Variants in FOXN3 observed in about 807,000 individuals in gnomAD.
FOXN3 encodes the protein forkhead box protein N3.
Under a neutral mutation model 38.4 loss-of-function variants are expected in FOXN3, and 7 were observed. The ratio of observed to expected loss-of-function variants is 0.18; its 90% CI spans 0.10 to 0.34. The LOEUF (loss-of-function observed/expected upper bound fraction) is 0.34, where lower values mean the gene tolerates loss of function less well. Ranked by LOEUF, FOXN3 falls within the 10% of genes least tolerant of loss-of-function variation. The pLI, the probability that FOXN3 is intolerant of heterozygous loss-of-function variation, is 1.00. For missense variants in FOXN3, 456 were observed against 613.4 expected, an observed-to-expected ratio of 0.74 and a Z score of 2.71; for synonymous variants, 230 against 242.2, an observed-to-expected ratio of 0.95 and a Z score of 0.47.
intron 2 of FOXN3, among the ~76,000 whole-genome samples, chr14:89,395,533 C>T (rs977971522): frequency 2.0e-5 from 3 of 152,104 alleles, no homozygotes; most frequent in Non-Finnish European, 4.4e-5. Context: ...CTGACATACA[C>T]GAAGGTGTAC....
intron 4 of FOXN3, among the ~76,000 whole-genome samples, chr14:89,259,220 A>T (rs1486854602): frequency 6.6e-6 from 1 of 152,226 alleles, no homozygotes; most frequent in Non-Finnish European, 1.5e-5. Flanking sequence ...GAAACCAGGC[A>T]TATTATTAAG....
rs151196466 is a variant in FOXN3, at chr14:89,455,110, T to G, written c.-14-42620A>C. ...GGAATGTTCGCTCGGGCAGGCTTTC[T>G]TCCCGCATTCCAGTTTCCTCATCAG... On this transcript the variant is annotated intron_variant, in intron 1 of 6. Coordinates refer to the FOXN3 transcript ENST00000345097. Among the ~76,000 whole-genome samples the G allele has an allele frequency of 2.5e-3, 375 of 152,334 alleles. 2 individuals carry two copies. The highest frequency in any genetic ancestry group is 8.7e-3 in the African/African-American group (363 of 41,584).
rs756684594 is a variant in FOXN3 at position 89,162,384 on chromosome 14, G to A, written c.*30C>T. On this transcript the variant is annotated 3_prime_UTR_variant, in exon 6 of 6. Transcript: ENST00000557258. This position sits in a 1 kb window ranked among gnomAD's most constrained non-coding sequence, Gnocchi z 7.2. ...CCTGACATGCTGAAACCAAATGGTCGTAAGTTCAAAACAAATCAGTGACTT... is the reference window on the plus strand; with the variant it reads ...CCTGACATGCTGAAACCAAATGGTCATAAGTTCAAAACAAATCAGTGACTT... The A allele has an allele frequency of 2.3e-5, 35 of 1,498,002 alleles. No individual in the cohort carries two copies. The highest frequency in any genetic ancestry group is 8.3e-5 in the South Asian group (6 of 72,374). The allele number at this position is 1,498,002 out of a possible 1,614,324, so 92.8% of individuals were successfully genotyped here.
At chr14:89,471,143 C>T (rs559243594) in intron 1 of FOXN3, among the ~76,000 whole-genome samples, 21 of 152,216 alleles carry the variant, frequency 1.4e-4, no homozygotes, top group African/African-American at 4.6e-4. Context: ...GCATAGCAAG[C>T]GCACAGTATG....
At chr14:89,569,816 C>G (rs1052227593) in intron 1 of FOXN3, among the ~76,000 whole-genome samples, 5 of 152,142 alleles carry the variant, frequency 3.3e-5, no homozygotes, top group African/African-American at 1.2e-4. Context: ...GGGGAGCCAT[C>G]AGGTGTTGCT....
At chr14:89,165,086 C>T (rs1596075417) in intron 5 of FOXN3, among the ~76,000 whole-genome samples, 1 of 152,308 alleles carries the variant, frequency 6.6e-6, no homozygotes, top group East Asian at 1.9e-4. Flanking sequence ...AACCCCAACA[C>T]TTACAATGTG....
chr14:89,525,131 G>A (rs894002991), intron 1 of FOXN3, among the ~76,000 whole-genome samples: 1 of 152,114 alleles, frequency 6.6e-6, no homozygotes, highest in Non-Finnish European at 1.5e-5. Context: ...AATAGGGGCT[G>A]GGTAAAATAA....
At chr14:89,583,385 C>A (rs1034873338) in intron 1 of FOXN3, among the ~76,000 whole-genome samples, 1 of 152,192 alleles carries the variant, frequency 6.6e-6, no homozygotes, top group African/African-American at 2.4e-5. Flanking sequence ...GGTTCTCTCT[C>A]TCCTGCTCTT....
chr14:89,605,293 G>A (rs1896248155), intron 1 of FOXN3, among the ~76,000 whole-genome samples: 1 of 152,142 alleles, frequency 6.6e-6, no homozygotes, highest in South Asian at 2.1e-4. Flanking sequence ...GAGGAAAGAT[G>A]CTAATTGGCT....
chr14:89,617,630 A>G (rs1896517558), intron 1 of FOXN3, among the ~76,000 whole-genome samples: 1 of 152,228 alleles, frequency 6.6e-6, no homozygotes, highest in Non-Finnish European at 1.5e-5. Flanking sequence ...ACAACTTATG[A>G]GCAGAAATCA....
intron 1 of FOXN3, among the ~76,000 whole-genome samples, chr14:89,500,760 A>G (rs1437792064): frequency 6.6e-6 from 1 of 152,194 alleles, no homozygotes; most frequent in Admixed American, 6.5e-5. Context: ...TTGTTCCTGG[A>G]GCAGCCATCC....
intron 4 of FOXN3, among the ~76,000 whole-genome samples, chr14:89,209,153 AT>A (rs1325975561): frequency 6.6e-6 from 1 of 152,278 alleles, no homozygotes; most frequent in Non-Finnish European, 1.5e-5. Context: ...TGATGATAAA[AT>A]CACAGGGGTG....
intron 1 of FOXN3, among the ~76,000 whole-genome samples, chr14:89,462,753 C>G (rs35973678): frequency 6.6e-6 from 1 of 150,562 alleles, no homozygotes; most frequent in Non-Finnish European, 1.5e-5. Context: ...GGCACGATCT[C>G]GGCTCACTGC....
At chr14:89,468,208 C>T (rs1333077560) in intron 1 of FOXN3, among the ~76,000 whole-genome samples, 1 of 151,842 alleles carries the variant, frequency 6.6e-6, no homozygotes, top group Admixed American at 6.6e-5. Flanking sequence ...AATCTCAGCA[C>T]TTTGGGAGGC....
At chr14:89,168,818 CA>C (rs1183484099) in intron 5 of FOXN3, among the ~76,000 whole-genome samples, 1 of 152,098 alleles carries the variant, frequency 6.6e-6, no homozygotes, top group African/African-American at 2.4e-5. Context: ...ACATCACAGT[CA>C]AACTTTAGAG....
At chr14:89,278,397 G>C (rs1852874137) in intron 4 of FOXN3, among the ~76,000 whole-genome samples, 1 of 152,108 alleles carries the variant, frequency 6.6e-6, no homozygotes, top group Admixed American at 6.5e-5. Flanking sequence ...TTTGGTTGGA[G>C]ACACAGCCAA....
intron 4 of FOXN3, among the ~76,000 whole-genome samples, chr14:89,248,206 C>T (rs1334266422): frequency 6.6e-6 from 1 of 152,178 alleles, no homozygotes; most frequent in Non-Finnish European, 1.5e-5. Context: ...CTATAAAATG[C>T]CACAAGCGCA....
At chr14:89,517,644 C>A (rs956471088) in intron 1 of FOXN3, among the ~76,000 whole-genome samples, 1 of 152,242 alleles carries the variant, frequency 6.6e-6, no homozygotes, top group South Asian at 2.1e-4. Context: ...CCACCACCAA[C>A]ACTGGGGATT....
intron 5 of FOXN3, among the ~76,000 whole-genome samples, chr14:89,180,020 G>C (rs1201529145): frequency 6.6e-6 from 1 of 152,246 alleles, no homozygotes; most frequent in East Asian, 1.9e-4. Context: ...GGATGGATGG[G>C]CAGGAGTGGG....
Sources: allele counts gnomAD v4.1 joint callset (sites outside exome capture counted in the v4.1 genomes callset), GRCh38; gene constraint gnomAD v4.1.1; non-coding constraint Gnocchi (gnomAD v3.1); transcripts MANE v1.5; gene names NCBI Gene and HGNC (gene_info 2026-07-23, HGNC 2026-07-21).